The following TMPRSS11F variants were observed in gnomAD, a reference collection of about 807,000 sequenced individuals.
TMPRSS11F encodes the protein transmembrane serine protease 11F.
Under a neutral mutation model 60.2 loss-of-function variants are expected in TMPRSS11F, and 47 were observed. That is an observed-to-expected ratio of 0.78 (90% confidence interval 0.62 to 1.00). TMPRSS11F has a LOEUF of 1.00. Ranked by LOEUF, TMPRSS11F falls within the 50% of genes least tolerant of loss-of-function variation. The pLI, the probability that TMPRSS11F is intolerant of heterozygous loss-of-function variation, is 0.00. For synonymous variants in TMPRSS11F, 166 were observed against 167.3 expected, an observed-to-expected ratio of 0.99 and a Z score of 0.06; for missense variants, 519 against 522.9, an observed-to-expected ratio of 0.99 and a Z score of 0.07.
chr4:68,104,334 C>T (rs773419975), intron 1 of TMPRSS11F, among the ~76,000 whole-genome samples: 2 of 152,022 alleles, frequency 1.3e-5, no homozygotes, highest in African/African-American at 4.8e-5. Context: ...GGCTGTGTCC[C>T]CATCCAAATC....
chr4:68,128,139 A>G (rs1724750092), intron 1 of TMPRSS11F, among the ~76,000 whole-genome samples: 1 of 152,296 alleles, frequency 6.6e-6, no homozygotes, highest in South Asian at 2.1e-4. Flanking sequence ...TGACTAATTC[A>G]TTCTTTGAGA....
At chr4:68,054,523 T>C (rs1723002721) in intron 9 of TMPRSS11F, among the ~76,000 whole-genome samples, 2 of 152,176 alleles carry the variant, frequency 1.3e-5, no homozygotes, top group Admixed American at 6.6e-5. Flanking sequence ...TGCTAAATTT[T>C]TATAAACTCC....
At chr4:68,089,336 A>C (rs1379905047) in intron 3 of TMPRSS11F, among the ~76,000 whole-genome samples, 1 of 152,184 alleles carries the variant, frequency 6.6e-6, no homozygotes, top group African/African-American at 2.4e-5. Context: ...GAAGCAATGG[A>C]TCTCACAAAA....
intron 3 of TMPRSS11F, among the ~76,000 whole-genome samples, chr4:68,084,440 T>C (rs1438627742): frequency 1.3e-5 from 2 of 152,200 alleles, no homozygotes; most frequent in East Asian, 1.9e-4. Context: ...AGGTCACTTA[T>C]AAGTGGAACC....
intron 1 of TMPRSS11F, 35 bp downstream of exon 1, chr4:68,129,775 C>T (rs746533559): frequency 6.2e-7 from 1 of 1,609,444 alleles, no homozygotes; most frequent in African/African-American, 1.3e-5. Context: ...TCTGTCCCCA[C>T]TGATAACCTT....
chr4:68,054,091 T>G, intron 9 of TMPRSS11F, 24 bp from the exon 10 acceptor site: 2 of 1,603,298 alleles, frequency 1.2e-6, no homozygotes, highest in Non-Finnish European at 1.7e-6. Flanking sequence ...ATATTTTAAA[T>G]TGTTAACTCT....
At chr4:68,127,765 ATATT>A (rs1210404802) in intron 1 of TMPRSS11F, among the ~76,000 whole-genome samples, 2 of 152,148 alleles carry the variant, frequency 1.3e-5, no homozygotes, top group African/African-American at 4.8e-5. Context: ...CCATAATACA[ATATT>A]TACACTAATA....
At chr4:68,096,365 T>C (rs10034711) in intron 2 of TMPRSS11F, among the ~76,000 whole-genome samples, 58,731 of 152,110 alleles carry the variant, frequency 0.39, 12,991 homozygotes, top group Non-Finnish European at 0.52. Context: ...AAGTAATAAA[T>C]AGAGGCATGA....
At chr4:68,098,039 TG>T (rs1170283364) in intron 2 of TMPRSS11F, among the ~76,000 whole-genome samples, 1 of 152,170 alleles carries the variant, frequency 6.6e-6, no homozygotes, top group East Asian at 1.9e-4. Flanking sequence ...GCATGGTGGC[TG>T]ATGTCTATAA....
chr4:68,102,315 A>C (rs577266968), intron 1 of TMPRSS11F, among the ~76,000 whole-genome samples: 1 of 152,298 alleles, frequency 6.6e-6, no homozygotes, highest in South Asian at 2.1e-4. Flanking sequence ...TGACGATTTC[A>C]TTTCCTTTGA....
chr4:68,076,647 A>G (rs1312761596), intron 3 of TMPRSS11F, among the ~76,000 whole-genome samples: 3 of 152,224 alleles, frequency 2.0e-5, no homozygotes, highest in Non-Finnish European at 4.4e-5. Flanking sequence ...CGCTCAATCC[A>G]GACCAGAGTC....
rs375770328 is a variant in TMPRSS11F at position 68,061,812 on chromosome 4, C to T, written c.1016-2344G>A. 832 of 440,858 alleles carry T rather than the reference C, an allele frequency of 1.9e-3. 19 individuals are homozygous for T. Among genetic ancestry groups the T allele is most frequent in the South Asian group, 0.013 (801 of 60,988 alleles). The allele number at this position is 440,858 out of a possible 1,614,324, so 27.3% of individuals were successfully genotyped here. A position where few individuals can be genotyped will look rare whatever the true frequency, so the allele number is the denominator to read the frequency against. On this transcript the variant is annotated intron_variant, in intron 8 of 9. Transcript: ENST00000356291. ...AAGTTACGTAGTTCTACAGTACAAC[C>T]TGTCTAAAGACTTGCAAGGGACCAG... is the stretch of plus-strand genomic sequence containing the variant.
intron 3 of TMPRSS11F, among the ~76,000 whole-genome samples, chr4:68,086,763 G>A (rs567703549): frequency 7.0e-6 from 1 of 143,264 alleles, no homozygotes; most frequent in Non-Finnish European, 1.5e-5. Context: ...ATGTAAATTA[G>A]AAAACCCAGA....
chr4:68,069,454 T>C (rs78879788), intron 6 of TMPRSS11F, among the ~76,000 whole-genome samples: 6,201 of 152,242 alleles, frequency 0.041, 372 homozygotes, highest in African/African-American at 0.13. Context: ...CTCAATTGAC[T>C]AGATTTCAAG....
At chr4:68,056,588 ATTG>A (rs1174363247) in intron 9 of TMPRSS11F, among the ~76,000 whole-genome samples, 2 of 152,146 alleles carry the variant, frequency 1.3e-5, no homozygotes, top group African/African-American at 4.8e-5. Flanking sequence ...AAGAATTATC[ATTG>A]TTAAAATGTT....
chr4:68,068,724 C>G lies in TMPRSS11F; in HGVS notation c.649G>C (p.Glu217Gln). The G allele has an allele frequency of 6.2e-7, 1 of 1,614,238 alleles. No individual in the cohort carries two copies. Among genetic ancestry groups the G allele is most frequent in the Non-Finnish European group, 8.5e-7 (1 of 1,180,046 alleles). ...VQGRETAMEG[E>Q]WPWQASLQLI... The stretch of plus-strand genomic sequence containing the variant: ...TGGAGGCTGGCCTGCCATGGCCATT[C>G]CCCTTCCATAGCTGTTTCCCTTCCT... The change falls in exon 7 of 10, where the codon GAA becomes CAA. Residue 217 changes from glutamate (E) to glutamine (Q), a missense_variant. By Grantham distance (29) the Glu-to-Gln change is conservative. Coordinates refer to ENST00000356291, the MANE Select transcript of TMPRSS11F (RefSeq NM_207407.2).
intron 1 of TMPRSS11F, among the ~76,000 whole-genome samples, chr4:68,115,937 C>G (rs1724510939): frequency 6.6e-6 from 1 of 152,040 alleles, no homozygotes; most frequent in African/African-American, 2.4e-5. Context: ...ACAATTCTTT[C>G]CAAGTTTAAC....
At chr4:68,073,825 G>T (rs1381560179) in intron 4 of TMPRSS11F, 117 bp downstream of exon 4, 4 of 634,822 alleles carry the variant, frequency 6.3e-6, no homozygotes, top group African/African-American at 2.0e-5. Context: ...GGCTGCTCAA[G>T]ATTTATGAAA....
intron 1 of TMPRSS11F, among the ~76,000 whole-genome samples, chr4:68,113,127 T>C (rs1037450335): frequency 6.6e-6 from 1 of 152,122 alleles, no homozygotes; most frequent in Non-Finnish European, 1.5e-5. Flanking sequence ...TTAAAACAAA[T>C]TAAATCTTAT....
Sources: gnomAD v4.1 joint callset for allele counts (sites outside exome capture counted in the v4.1 genomes callset) on GRCh38, gnomAD v4.1.1 for gene constraint, MANE v1.5 for transcripts, NCBI Gene and HGNC (gene_info 2026-07-23, HGNC 2026-07-21) for gene names.